DOCK3: variants seen among roughly 807,000 people sequenced by gnomAD.
The protein encoded by DOCK3 is dedicator of cytokinesis protein 3.
A neutral mutation model predicts 265.6 loss-of-function variants in DOCK3; 60 were observed. The observed-to-expected ratio is 0.23, with a 90% CI of 0.18 to 0.28. DOCK3 has a LOEUF of 0.28. Ranked by LOEUF, DOCK3 falls within the 10% of genes least tolerant of loss-of-function variation. The pLI is 1.00. For missense variants in DOCK3, 1,981 were observed against 2,594.3 expected, an observed-to-expected ratio of 0.76 and a Z score of 5.14; for synonymous variants, 881 against 938.0, an observed-to-expected ratio of 0.94 and a Z score of 1.11.
intron 28 of DOCK3, among the ~76,000 whole-genome samples, chr3:51,311,574 T>A (rs1047058433): frequency 6.6e-6 from 1 of 152,212 alleles, no homozygotes; most frequent in Non-Finnish European, 1.5e-5. Context: ...AGTATAATAA[T>A]AAAATTATGT....
intron 1 of DOCK3, among the ~76,000 whole-genome samples, chr3:50,727,573 C>T (rs2037911800): frequency 6.6e-6 from 1 of 152,092 alleles, no homozygotes; most frequent in East Asian, 1.9e-4. Context: ...TGGCACGTGC[C>T]TATAATCCCA....
intron 9 of DOCK3, among the ~76,000 whole-genome samples, chr3:51,133,367 A>G (rs2084648874): frequency 7.8e-6 from 1 of 127,856 alleles, no homozygotes; most frequent in South Asian, 2.5e-4. Context: ...CCTGTGTCCA[A>G]GTGTTTTCAT....
At chr3:51,123,403 T>C (rs1026421601) in intron 9 of DOCK3, among the ~76,000 whole-genome samples, 1 of 152,194 alleles carries the variant, frequency 6.6e-6, no homozygotes, top group Non-Finnish European at 1.5e-5. Context: ...ATGCTGGACT[T>C]AAAAGACATG....
intron 3 of DOCK3, among the ~76,000 whole-genome samples, chr3:50,842,424 TAATC>T (rs764942336): frequency 7.9e-5 from 12 of 152,330 alleles, no homozygotes; most frequent in Admixed American, 3.9e-4. Context: ...AGAGTTCTAA[TAATC>T]AGTTTTGCCA....
chr3:51,328,256 C>T (rs927553602), intron 32 of DOCK3, among the ~76,000 whole-genome samples: 1 of 152,140 alleles, frequency 6.6e-6, no homozygotes, highest in Admixed American at 6.6e-5. Flanking sequence ...GGTCCCCTCC[C>T]CACATTTTTG....
chr3:51,194,822 CTTTTTTTTTTTTT>C (rs781358698), intron 12 of DOCK3, among the ~76,000 whole-genome samples: 3 of 125,790 alleles, frequency 2.4e-5, no homozygotes, highest in Middle Eastern at 4.5e-3. Context: ...AGGTGAATAT[CTTTTTTTTTTTTT>C]TTTTTTTTGA....
At chr3:50,884,837 A>G (rs561687324) in intron 3 of DOCK3, among the ~76,000 whole-genome samples, 4 of 151,978 alleles carry the variant, frequency 2.6e-5, no homozygotes, top group Non-Finnish European at 4.4e-5. Context: ...TATTATTAAT[A>G]TCCTGCATTA....
chr3:51,220,768 G>T lies in DOCK3; in HGVS notation c.1253-4881G>T, dbSNP rs1423494330. ...AACCCAGAGCCTCCTAATATGAAGT[G>T]TGAGTAATTTATACAGAAGGAATGT... On this transcript the variant is annotated intron_variant, in intron 14 of 52. Transcript: ENST00000266037. Among the ~76,000 whole-genome samples the T allele has an allele frequency of 2.7e-5, 4 of 149,080 alleles. 1 individual carries two copies. The South Asian group carries it at 8.5e-4, about 32-fold the overall frequency.
At chr3:50,816,282 G>T (rs2044070085) in intron 2 of DOCK3, among the ~76,000 whole-genome samples, 2 of 147,526 alleles carry the variant, frequency 1.4e-5, no homozygotes, top group Non-Finnish European at 1.5e-5. Flanking sequence ...TTGTTTTTAG[G>T]ATTATTTTCT....
chr3:51,150,075 T>G (rs1407366785), intron 10 of DOCK3, among the ~76,000 whole-genome samples: 2 of 152,210 alleles, frequency 1.3e-5, no homozygotes, highest in South Asian at 2.1e-4. Context: ...TGGGAGGGTG[T>G]ATGTGTCCAG....
chr3:51,283,357 T>C (rs2081237639), intron 27 of DOCK3, among the ~76,000 whole-genome samples: 1 of 152,188 alleles, frequency 6.6e-6, no homozygotes, highest in South Asian at 2.1e-4. Context: ...TTCTAAGATT[T>C]GCCATGGTTT....
intron 4 of DOCK3, among the ~76,000 whole-genome samples, chr3:50,913,555 C>A (rs1034574993): frequency 2.6e-5 from 4 of 152,170 alleles, no homozygotes; most frequent in African/African-American, 9.6e-5. Context: ...CCTGGACTGC[C>A]TTTCAAGATT....
intron 5 of DOCK3, among the ~76,000 whole-genome samples, chr3:51,043,058 C>T (rs1488304987): frequency 6.6e-6 from 1 of 152,152 alleles, no homozygotes; most frequent in East Asian, 1.9e-4. Flanking sequence ...CATTAAACTA[C>T]CATTGACATT....
intron 10 of DOCK3, among the ~76,000 whole-genome samples, chr3:51,154,682 G>A (rs2085758382): frequency 6.6e-6 from 1 of 152,216 alleles, no homozygotes; most frequent in Admixed American, 6.5e-5. Flanking sequence ...TGTGGGAACA[G>A]AGCTGCGTGC....
At chr3:50,765,240 C>G (rs767920356) in intron 1 of DOCK3, among the ~76,000 whole-genome samples, 2 of 150,980 alleles carry the variant, frequency 1.3e-5, no homozygotes, top group Admixed American at 6.6e-5. Context: ...TGCCACCATT[C>G]CTGGCTAATT....
chr3:51,058,483 C>T (rs948036057), intron 5 of DOCK3, among the ~76,000 whole-genome samples: 4 of 152,030 alleles, frequency 2.6e-5, no homozygotes, highest in Admixed American at 6.5e-5. Context: ...TGTGTTTGTG[C>T]GTGTGGCATA....
chr3:51,320,853 C>T (rs1293589125), intron 32 of DOCK3, among the ~76,000 whole-genome samples: 6 of 152,236 alleles, frequency 3.9e-5, no homozygotes, highest in Non-Finnish European at 8.8e-5. Flanking sequence ...AAACCCCCAT[C>T]TCCCTGGGAC....
At position 51,361,474 on chromosome 3, in the gene DOCK3, T is replaced by C. The variant is rs1202705121; in HGVS notation, c.5007-385T>C. ...CCAAGAAGCAGATCCCATCATGGTG[T>C]GGGGGGGTTGGGGGGTGGGCACTGA... On this transcript the variant is annotated intron_variant, in intron 47 of 52. Coordinates refer to ENST00000266037, the MANE Select transcript of DOCK3 (RefSeq NM_004947.5). The surrounding 1 kb of genome is among the most constrained non-coding windows in gnomAD (Gnocchi z 4.2). 2.0e-5 allele frequency among the ~76,000 whole-genome samples: 2 copies of C among 100,578 alleles called. No individual in the cohort carries two copies. Among genetic ancestry groups the C allele is most frequent in the Admixed American group, 2.3e-4 (2 of 8,716 alleles). 66.0% of individuals were successfully genotyped at this position (100,578 alleles called of 152,430 possible).
intron 9 of DOCK3, among the ~76,000 whole-genome samples, chr3:51,112,550 G>A (rs1312338150): frequency 1.3e-5 from 2 of 152,138 alleles, no homozygotes; most frequent in African/African-American, 4.8e-5. Flanking sequence ...TATGTAAACT[G>A]TACTTTGGTA....
Sources: gnomAD v4.1 joint callset for allele counts (sites outside exome capture counted in the v4.1 genomes callset) on GRCh38, gnomAD v4.1.1 for gene constraint, Gnocchi (gnomAD v3.1) non-coding constraint, MANE v1.5 for transcripts, NCBI Gene and HGNC (gene_info 2026-07-23, HGNC 2026-07-21) for gene names.